Variants in RAD51 observed in about 807,000 individuals in gnomAD.
The protein encoded by RAD51 is DNA repair protein RAD51 homolog 1.
RAD51 carries 14 observed loss-of-function variants against 41.5 expected under a neutral mutation model. The observed-to-expected ratio is 0.34, with a 90% confidence interval of 0.22 to 0.53. The LOEUF is 0.53. Ranked by LOEUF, RAD51 falls within the 20% of genes least tolerant of loss-of-function variation. The pLI is 0.95. For synonymous variants in RAD51, 136 were observed against 148.6 expected (o/e 0.92, Z 0.62); for missense variants, 234 against 422.0 (o/e 0.55, Z 3.90).
chr15:40,712,982 C>T (rs113595331), intron 5 of RAD51, among the ~76,000 whole-genome samples: 5,027 of 147,590 alleles, frequency 0.034, 267 homozygotes, highest in African/African-American at 0.12. Context: ...AGGTTCAAGC[C>T]ATTCTCCTGC....
intron 5 of RAD51, among the ~76,000 whole-genome samples, chr15:40,713,732 G>A (rs1235027112): frequency 6.6e-6 from 1 of 150,396 alleles, no homozygotes; most frequent in Non-Finnish European, 1.5e-5. Context: ...TCAGCCTCCC[G>A]AGTAGCTGGG....
intron 5 of RAD51, among the ~76,000 whole-genome samples, chr15:40,709,370 A>AT (rs1895545715): frequency 8.2e-6 from 1 of 121,976 alleles, no homozygotes; most frequent in Non-Finnish European, 1.7e-5. Context: ...TTTACTTGCT[A>AT]CTTTTTTTTT....
chr15:40,721,448 G>A (rs947690655), intron 6 of RAD51, among the ~76,000 whole-genome samples: 2 of 152,068 alleles, frequency 1.3e-5, no homozygotes, highest in African/African-American at 4.8e-5. Flanking sequence ...TGGAGAGTTC[G>A]GAAATGAAAC....
intron 6 of RAD51, among the ~76,000 whole-genome samples, chr15:40,722,613 G>T (rs1285570258): frequency 6.6e-6 from 1 of 152,106 alleles, no homozygotes; most frequent in Non-Finnish European, 1.5e-5. Context: ...ACAGCAGCAT[G>T]AATGTCCTTA....
At chr15:40,721,845 A>T (rs1896286309) in intron 6 of RAD51, among the ~76,000 whole-genome samples, 1 of 152,204 alleles carries the variant, frequency 6.6e-6, no homozygotes, top group Non-Finnish European at 1.5e-5. Context: ...CTATATAAAG[A>T]ATTGAAAACA....
At chr15:40,698,891 T>C in intron 2 of RAD51, 46 bp downstream of exon 2, 5 of 1,534,788 alleles carry the variant, frequency 3.3e-6, no homozygotes, top group Non-Finnish European at 4.5e-6. Flanking sequence ...TAGATTCTTC[T>C]ACCTAGTGGA....
At chr15:40,728,909 A>T (rs574644219) in intron 7 of RAD51, 85 bp downstream of exon 7, 14 of 1,151,514 alleles carry the variant, frequency 1.2e-5, no homozygotes, top group Non-Finnish European at 1.8e-5. Flanking sequence ...GATTGATAGT[A>T]GTTTGAATTA....
At chr15:40,706,425 A>C (rs1161044715) in intron 4 of RAD51, 131 bp downstream of exon 4, 4 of 817,728 alleles carry the variant, frequency 4.9e-6, no homozygotes, top group Non-Finnish European at 8.3e-6. Flanking sequence ...GGCCAGGTGC[A>C]GTGGCTTATG....
rs1174248328 is a variant in RAD51, at chr15:40,695,434, G to T, written c.-3+9G>T. ...GAGCGCTGCGGACCGAGGTGAGTGT[G>T]TGAGGCGCAGGCTGGGCCCTCCAGA... On this transcript the variant is annotated intron_variant, in intron 1 of 9. Transcript: ENST00000267868. 1 of 152,520 alleles carries T rather than the reference G, an allele frequency of 6.6e-6. No homozygotes were observed. Among genetic ancestry groups the T allele is most frequent in the South Asian group, 2.1e-4 (1 of 4,836 alleles). 9.4% of individuals were successfully genotyped at this position (152,520 alleles called of 1,614,324 possible). A position where few individuals can be genotyped will look rare whatever the true frequency, so the allele number is the denominator to read the frequency against.
intron 6 of RAD51, among the ~76,000 whole-genome samples, chr15:40,726,620 AAG>A (rs1299006606): frequency 6.6e-6 from 1 of 151,650 alleles, no homozygotes; most frequent in Non-Finnish European, 1.5e-5. Flanking sequence ...AACACTATGA[AAG>A]AGGATGCTAT....
Position 40,706,271 on chromosome 15 carries a change from A to G in RAD51, c.320A>G (p.Lys107Arg). Residue 107 changes from lysine to arginine, a missense_variant, in exon 4 of 10, where the codon AAA becomes AGA. Transcript: ENST00000267868. ...SEIIQITTGSKELDKLLQGGI... is the reference protein window; with the variant it reads ...SEIIQITTGSRELDKLLQGGI... ...ATCATACAGATTACTACTGGCTCCA[A>G]AGAGCTTGACAAACTACTTCAAGGT... The G allele has an allele frequency of 2.5e-6, 4 of 1,612,948 alleles. No individual in the cohort carries two copies. Among genetic ancestry groups the G allele is most frequent in the Non-Finnish European group, 3.4e-6 (4 of 1,178,882 alleles).
intron 3 of RAD51, among the ~76,000 whole-genome samples, chr15:40,705,442 G>C (rs779846126): frequency 5.3e-5 from 8 of 152,182 alleles, no homozygotes; most frequent in Non-Finnish European, 1.0e-4. Context: ...TAGCCATGGA[G>C]AGAGAAAAGA....
chr15:40,716,893 C>G (rs984185740), intron 5 of RAD51, among the ~76,000 whole-genome samples: 7 of 151,932 alleles, frequency 4.6e-5, no homozygotes, highest in African/African-American at 9.7e-5. Context: ...GTCTCCTGAC[C>G]TCAGGTGATC....
At position 40,729,598 on chromosome 15, in the gene RAD51, C is replaced by T. The variant is rs749634683; in HGVS notation, c.738C>T (p.Ala246=). The stretch of plus-strand genomic sequence containing the variant: ...TTTCAGCCAGGCAGATGCACTTGGC[C>T]AGGTTTCTGCGGATGCTTCTGCGAC... ...GELSARQMHL[A]RFLRMLLRLA... Residue 246 remains alanine (A), a synonymous_variant, in exon 8 of 10, where the codon GCC becomes GCT. Transcript: ENST00000267868. 1.9e-6 allele frequency: 3 copies of T among 1,613,952 alleles called. No homozygotes were observed. The highest frequency in any genetic ancestry group is 2.5e-6 in the Non-Finnish European group (3 of 1,180,000).
At chr15:40,727,928 C>CGACTCACT (rs1896669921) in intron 6 of RAD51, among the ~76,000 whole-genome samples, 1 of 146,556 alleles carries the variant, frequency 6.8e-6, no homozygotes, top group Non-Finnish European at 1.5e-5. Flanking sequence ...GGTATGATCT[C>CGACTCACT]GACTCACTGC....
intron 5 of RAD51, among the ~76,000 whole-genome samples, chr15:40,715,423 T>A (rs753770651): frequency 9.9e-5 from 15 of 152,278 alleles, no homozygotes; most frequent in South Asian, 2.1e-4. Flanking sequence ...AAAATTTGTC[T>A]TACAGAACAT....
In RAD51 at chr15:40,731,304, G is replaced by C; in HGVS notation, c.*126G>C. 3 of 1,300,442 alleles carry C rather than the reference G, an allele frequency of 2.3e-6. No homozygotes were observed. In the South Asian group the frequency reaches 3.7e-5, roughly 16 times the overall value. The allele number at this position is 1,300,442 out of a possible 1,614,324, so 80.6% of individuals were successfully genotyped here. A position where few individuals can be genotyped will look rare whatever the true frequency, so the allele number is the denominator to read the frequency against. ...CCAGGATAAAGCTTCCGGGAAAACAGCTATTATATCAGCTTTTCTGATGGT... is the reference window on the plus strand; with the variant it reads ...CCAGGATAAAGCTTCCGGGAAAACACCTATTATATCAGCTTTTCTGATGGT... On this transcript the variant is annotated 3_prime_UTR_variant, in exon 10 of 10. Transcript: ENST00000267868.
chr15:40,711,212 T>C (rs147112598), intron 5 of RAD51, among the ~76,000 whole-genome samples: 68 of 152,186 alleles, frequency 4.5e-4, no homozygotes, highest in African/African-American at 1.6e-3. Flanking sequence ...CTGGGCAACA[T>C]AGTGAGACCC....
intron 6 of RAD51, among the ~76,000 whole-genome samples, chr15:40,724,323 G>A (rs893096986): frequency 6.6e-6 from 1 of 152,144 alleles, no homozygotes; most frequent in African/African-American, 2.4e-5. Context: ...TTAAGGATTA[G>A]CTTTTGGACA....
Sources: allele counts gnomAD v4.1 joint callset (sites outside exome capture counted in the v4.1 genomes callset), GRCh38; gene constraint gnomAD v4.1.1; transcripts MANE v1.5; gene names NCBI Gene and HGNC (gene_info 2026-07-23, HGNC 2026-07-21).